Variants in ASCC3 observed in about 807,000 individuals in gnomAD.
ASCC3 encodes the protein activating signal cointegrator 1 complex subunit 3.
ASCC3 carries 158 observed loss-of-function variants against 256.3 expected under a neutral mutation model. That is an observed-to-expected ratio of 0.62 (90% CI 0.54 to 0.70). The LOEUF is 0.70. Among genes scored for constraint, ASCC3 ranks in the 30% least tolerant of loss-of-function variants. ASCC3 has a pLI of 0.00. For missense variants in ASCC3, 2,259 were observed against 2,626.0 expected, an observed-to-expected ratio of 0.86 and a Z score of 3.05; for synonymous variants, 948 against 883.4, an observed-to-expected ratio of 1.07 and a Z score of -1.30.
rs905948014 is a variant in ASCC3, at chr6:100,530,625, T to A, written c.5775+9538A>T. 18 of 804,144 alleles carry A rather than the reference T, an allele frequency of 2.2e-5. No individual in the cohort carries two copies. The Middle Eastern group carries it at 9.1e-4, about 40-fold the overall frequency. 49.8% of individuals were successfully genotyped at this position (804,144 alleles called of 1,614,324 possible). A position where few individuals can be genotyped will look rare whatever the true frequency, so the allele number is the denominator to read the frequency against. ...GTTCAGAGCAGCAATACAGTGTGAG[T>A]TCTCCAAACAGGAGTTCATGGATGG... On this transcript the variant is annotated intron_variant, in intron 37 of 41. Coordinates refer to ENST00000369162, the MANE Select transcript of ASCC3 (RefSeq NM_006828.4).
intron 8 of ASCC3, among the ~76,000 whole-genome samples, chr6:100,774,657 AC>A (rs1782104139): frequency 6.6e-6 from 1 of 151,922 alleles, no homozygotes; most frequent in African/African-American, 2.4e-5. Flanking sequence ...GAGCCACTGC[AC>A]CCGGCCCTAA....
intron 24 of ASCC3, among the ~76,000 whole-genome samples, chr6:100,640,283 T>G (rs946219603): frequency 6.6e-6 from 1 of 152,194 alleles, no homozygotes; most frequent in Non-Finnish European, 1.5e-5. Context: ...TAAATTACAG[T>G]GCTTTACATT....
At chr6:100,662,121 G>C in intron 15 of ASCC3, 91 bp from the exon 16 acceptor site, 1 of 1,297,176 alleles carries the variant, frequency 7.7e-7, no homozygotes, top group Non-Finnish European at 1.1e-6. Flanking sequence ...AATATGGCAA[G>C]ATCTCAAAAG....
intron 13 of ASCC3, among the ~76,000 whole-genome samples, chr6:100,713,122 A>G (rs544576984): frequency 6.6e-6 from 1 of 152,262 alleles, no homozygotes; most frequent in African/African-American, 2.4e-5. Flanking sequence ...AAACCTGCAC[A>G]TGGATTTTAC....
intron 11 of ASCC3, among the ~76,000 whole-genome samples, chr6:100,722,725 G>T (rs1316989280): frequency 6.6e-6 from 1 of 151,700 alleles, no homozygotes; most frequent in African/African-American, 2.4e-5. Flanking sequence ...ATACAGAACA[G>T]CTTGCTTTTT....
intron 10 of ASCC3, among the ~76,000 whole-genome samples, chr6:100,765,811 A>G (rs1781629113): frequency 6.6e-6 from 1 of 152,224 alleles, no homozygotes; most frequent in Non-Finnish European, 1.5e-5. Context: ...GGGCCCTAGG[A>G]AATTAATTCA....
chr6:100,743,107 G>A lies in ASCC3; in HGVS notation c.1738-17404C>T, dbSNP rs920015432. Among the ~76,000 whole-genome samples, 17 of 152,332 alleles carry A rather than the reference G, an allele frequency of 1.1e-4. 1 individual carries two copies. Among genetic ancestry groups the A allele is most frequent in the Non-Finnish European group, 2.1e-4 (14 of 68,020 alleles). On this transcript the variant is annotated intron_variant, in intron 10 of 41. Transcript: ENST00000369162. ...GGTTCATGAGATCTCCTGGTCCACAGGTTGCTTCCTGGGAGAAGCGTGGTT... is the reference window on the plus strand; with the variant it reads ...GGTTCATGAGATCTCCTGGTCCACAAGTTGCTTCCTGGGAGAAGCGTGGTT...
At chr6:100,589,101 A>G (rs1213013642) in intron 36 of ASCC3, among the ~76,000 whole-genome samples, 1 of 152,118 alleles carries the variant, frequency 6.6e-6, no homozygotes. Context: ...TTGGCAAAAA[A>G]AGGAAAAATG....
Position 100,652,892 on chromosome 6 carries a change from AT to A in ASCC3, c.2824-4del. On this transcript the variant is annotated splice_region_variant and splice_polypyrimidine_tract_variant and intron_variant, in intron 17 of 41. Coordinates refer to ENST00000369162, the MANE Select transcript of ASCC3 (RefSeq NM_006828.4). The stretch of plus-strand genomic sequence containing the variant: ...TGCTTTCTTAATGTTGGGTCAATCT[AT>A]GGCAAAAAATATATAAACAGTTGAA... The A allele has an allele frequency of 6.2e-7, 1 of 1,613,558 alleles. No homozygotes were observed. The highest frequency in any genetic ancestry group is 2.2e-5 in the East Asian group (1 of 44,800).
At chr6:100,509,864 G>C in intron 41 of ASCC3, 68 bp downstream of exon 41, 1 of 1,502,034 alleles carries the variant, frequency 6.7e-7, no homozygotes, top group Admixed American at 1.7e-5. Context: ...CTCCAGCCTG[G>C]GCGACAGAGC....
rs560893207 is a variant in ASCC3, at chr6:100,533,744, C to T, written c.5775+6419G>A. ...CATATATAGGAAGTAGTGAGAGTGA[C>T]CAAGATATAAACACATATTCTTATA... On this transcript the variant is annotated intron_variant, in intron 37 of 41. Coordinates refer to ENST00000369162, the MANE Select transcript of ASCC3 (RefSeq NM_006828.4). 2.6e-5 allele frequency among the ~76,000 whole-genome samples: 4 copies of T among 152,264 alleles called. No homozygotes were observed. In the South Asian group the frequency reaches 8.3e-4, roughly 32 times the overall value.
chr6:100,779,265 A>G (rs1349684085), intron 8 of ASCC3, among the ~76,000 whole-genome samples: 1 of 152,114 alleles, frequency 6.6e-6, no homozygotes, highest in Non-Finnish European at 1.5e-5. Flanking sequence ...ATTATATTTT[A>G]TTTTATTTTT....
chr6:100,756,344 T>TTTTAA (rs927056542), intron 10 of ASCC3, among the ~76,000 whole-genome samples: 41 of 152,236 alleles, frequency 2.7e-4, no homozygotes, highest in Admixed American at 6.5e-4. Context: ...TATTTTCAAC[T>TTTTAA]TTTAATTTAA....
At chr6:100,647,641 A>G (rs986515830) in intron 20 of ASCC3, among the ~76,000 whole-genome samples, 190 bp from the exon 21 acceptor site, 6 of 152,046 alleles carry the variant, frequency 3.9e-5, no homozygotes, top group African/African-American at 1.4e-4. Flanking sequence ...CCTATCCTTT[A>G]TATGTGGATG....
intron 4 of ASCC3, 137 bp downstream of exon 4, chr6:100,848,011 T>G (rs994968907): frequency 2.4e-6 from 2 of 841,810 alleles, no homozygotes; most frequent in Non-Finnish European, 3.5e-6. Context: ...GCCTGCTATG[T>G]GAAACCATTT....
chr6:100,623,824 T>C (rs774054155), intron 30 of ASCC3, among the ~76,000 whole-genome samples: 2 of 152,072 alleles, frequency 1.3e-5, no homozygotes, highest in African/African-American at 4.8e-5. Context: ...TAAAGGATCA[T>C]ACTAACAAAC....
intron 1 of ASCC3, among the ~76,000 whole-genome samples, chr6:100,869,843 G>A (rs547778320): frequency 2.2e-4 from 33 of 152,166 alleles, no homozygotes; most frequent in African/African-American, 7.9e-4. Context: ...CGTAGCTGGT[G>A]GCTCTATCAA....
Position 100,678,392 on chromosome 6 carries a change from C to T in ASCC3, c.2286+1226G>A, listed in dbSNP as rs375891799. Among the ~76,000 whole-genome samples the T allele has an allele frequency of 5.3e-5, 8 of 151,874 alleles. No homozygotes were observed. The East Asian group carries it at 7.7e-4, about 15-fold the overall frequency. Reference sequence around the variant, plus strand: ...AGGACACAAAACTGTACAATCTGTACAATAAGTGTTAGGTAATAAAAGTAA... The same window carrying T: ...AGGACACAAAACTGTACAATCTGTATAATAAGTGTTAGGTAATAAAAGTAA... On this transcript the variant is annotated intron_variant, in intron 14 of 41. Transcript: ENST00000369162.
chr6:100,768,545 A>T (rs1781773324), intron 8 of ASCC3, among the ~76,000 whole-genome samples: 1 of 152,304 alleles, frequency 6.6e-6, no homozygotes, highest in African/African-American at 2.4e-5. Context: ...AGTCCTAAAC[A>T]TTTGTATACC....
Sources: gnomAD v4.1 joint callset for allele counts (sites outside exome capture counted in the v4.1 genomes callset) on GRCh38, gnomAD v4.1.1 for gene constraint, MANE v1.5 for transcripts, NCBI Gene and HGNC (gene_info 2026-07-23, HGNC 2026-07-21) for gene names.